NFE2L2: variants seen among roughly 807,000 people sequenced by gnomAD.
NFE2L2 encodes the protein nuclear factor erythroid 2-related factor 2.
NFE2L2 carries 20 observed loss-of-function variants against 49.6 expected under a neutral mutation model. The observed-to-expected ratio is 0.40, with a 90% CI of 0.28 to 0.59. The LOEUF (loss-of-function observed/expected upper bound fraction) is 0.59, where lower values mean the gene tolerates loss of function less well. NFE2L2 is among the 20% of genes least tolerant of loss of function. The pLI, the probability that NFE2L2 is intolerant of heterozygous loss-of-function variation, is 0.40. For missense variants in NFE2L2, 578 were observed against 714.2 expected (o/e 0.81, Z 2.17); for synonymous variants, 244 against 256.5 (o/e 0.95, Z 0.47).
intron 1 of NFE2L2, chr2:177,263,908 G>A: frequency 2.0e-6 from 2 of 985,586 alleles, no homozygotes; most frequent in Non-Finnish European, 2.4e-6. Flanking sequence ...GCTCAAGGCT[G>A]CCAGAGAGTG....
intron 1 of NFE2L2, chr2:177,263,311 A>G (rs937992032): frequency 2.0e-5 from 19 of 945,524 alleles, no homozygotes; most frequent in Non-Finnish European, 2.4e-5. Context: ...AAACATATAT[A>G]AAGTACTCAG....
At chr2:177,243,136 T>C (rs1689997600) in intron 1 of NFE2L2, among the ~76,000 whole-genome samples, 1 of 152,160 alleles carries the variant, frequency 6.6e-6, no homozygotes. Context: ...TTAGGTCTTG[T>C]ACTGCCCTTA....
chr2:177,250,812 G>A (rs566451937), intron 1 of NFE2L2, among the ~76,000 whole-genome samples: 25 of 152,302 alleles, frequency 1.6e-4, no homozygotes, highest in East Asian at 5.8e-4. Flanking sequence ...ACCTAGCTGC[G>A]TGGGTAACTG....
chr2:177,254,312 G>A lies in NFE2L2; in HGVS notation c.45+10220C>T, dbSNP rs11886935. On this transcript the variant is annotated intron_variant, in intron 1 of 4. Transcript: ENST00000397062. Reference sequence around the variant, plus strand: ...CCTTTGTGGCACTTTCATTATATTCGATGACCTCTGTCCCATCACCTGCTT... The same window carrying A: ...CCTTTGTGGCACTTTCATTATATTCAATGACCTCTGTCCCATCACCTGCTT... Among the ~76,000 whole-genome samples the A allele has an allele frequency of 2.1e-3, 320 of 152,202 alleles. 2 individuals are homozygous for A. Among genetic ancestry groups the A allele is most frequent in the Non-Finnish European group, 3.8e-3 (261 of 68,020 alleles).
Position 177,264,662 on chromosome 2 carries a change from TGGCGGCGGCGGC to T in NFE2L2, c.-98_-87del, listed in dbSNP as rs143406266. ...CGCGGCGCGGACAGGGCGGCTCTGGTGGCGGCGGCGGCGGCGGTGGCGGCTGCGTCGGCGGCT... is the reference window on the plus strand; with the variant it reads ...CGCGGCGCGGACAGGGCGGCTCTGGTGGCGGTGGCGGCTGCGTCGGCGGCT... On this transcript the variant is annotated 5_prime_UTR_variant, in exon 1 of 5. Coordinates refer to ENST00000397062, the MANE Select transcript of NFE2L2 (RefSeq NM_006164.5). 2 of 1,176,840 alleles carry T rather than the reference TGGCGGCGGCGGC, an allele frequency of 1.7e-6. No individual in the cohort carries two copies. The highest frequency in any genetic ancestry group is 2.2e-6 in the Non-Finnish European group (2 of 912,724). The allele number at this position is 1,176,840 out of a possible 1,614,324, so 72.9% of individuals were successfully genotyped here.
rs557861673 is a variant in NFE2L2, at chr2:177,232,704, C to T, written c.403-121G>A. The stretch of plus-strand genomic sequence containing the variant: ...GTTCTGTGTCTCTCTACTTACTAAC[C>T]AGTCATGACCCCGTTTGTAAATAAC... On this transcript the variant is annotated intron_variant, in intron 3 of 4. Coordinates refer to ENST00000397062, the MANE Select transcript of NFE2L2 (RefSeq NM_006164.5). The T allele has an allele frequency of 3.0e-5, 26 of 865,266 alleles. No individual in the cohort carries two copies. In the African/African-American group the frequency reaches 3.9e-4, roughly 13 times the overall value. 53.6% of individuals were successfully genotyped at this position (865,266 alleles called of 1,614,324 possible).
At chr2:177,233,963 T>G in intron 2 of NFE2L2, 42 bp downstream of exon 2, 1 of 1,609,610 alleles carries the variant, frequency 6.2e-7, no homozygotes, top group Non-Finnish European at 8.5e-7. Context: ...CAGTGTTTCC[T>G]TAAACCTGCC....
chr2:177,254,172 A>G (rs995543979), intron 1 of NFE2L2, among the ~76,000 whole-genome samples: 6 of 152,236 alleles, frequency 3.9e-5, no homozygotes, highest in Non-Finnish European at 7.3e-5. Flanking sequence ...TTGCAGCTGT[A>G]GGTCCGAGAA....
rs368515693 is a variant in NFE2L2 at position 177,260,835 on chromosome 2, C to A, written c.45+3697G>T. ...GTTTCTGAAAAATGTGAGGCAGAAT[C>A]TTGGACATTGCCAAACATCAGAAAT... On this transcript the variant is annotated intron_variant, in intron 1 of 4. Coordinates refer to ENST00000397062, the MANE Select transcript of NFE2L2 (RefSeq NM_006164.5). Among the ~76,000 whole-genome samples the A allele has an allele frequency of 1.4e-3, 219 of 152,272 alleles. 1 individual carries two copies. Among genetic ancestry groups the A allele is most frequent in the African/African-American group, 5.1e-3 (211 of 41,572 alleles).
intron 1 of NFE2L2, among the ~76,000 whole-genome samples, chr2:177,243,960 A>G (rs1690029018): frequency 6.6e-6 from 1 of 151,900 alleles, no homozygotes; most frequent in Admixed American, 6.6e-5. Flanking sequence ...GATACATTTT[A>G]TTAACAATAT....
At chr2:177,259,099 C>T (rs1413717626) in intron 1 of NFE2L2, among the ~76,000 whole-genome samples, 3 of 152,154 alleles carry the variant, frequency 2.0e-5, no homozygotes, top group Admixed American at 6.5e-5. Context: ...CACCTGAGGT[C>T]GGGATCAGCC....
At chr2:177,238,360 T>C (rs529091630) in intron 1 of NFE2L2, among the ~76,000 whole-genome samples, 1 of 152,358 alleles carries the variant, frequency 6.6e-6, no homozygotes, top group Non-Finnish European at 1.5e-5. Flanking sequence ...GAATTTATAA[T>C]TGTCAGTGTC....
chr2:177,234,306 C>G (rs766496049), intron 1 of NFE2L2, 35 bp from the exon 2 acceptor site: 2 of 1,563,380 alleles, frequency 1.3e-6, no homozygotes, highest in Non-Finnish European at 1.7e-6. Context: ...GGAGAGAGCT[C>G]ATGTTTTTTA....
intron 1 of NFE2L2, among the ~76,000 whole-genome samples, chr2:177,253,738 C>A (rs1282985134): frequency 1.3e-5 from 2 of 152,158 alleles, no homozygotes; most frequent in Admixed American, 6.5e-5. Flanking sequence ...AACAATACTT[C>A]TAAATTATTT....
intron 1 of NFE2L2, among the ~76,000 whole-genome samples, chr2:177,255,105 C>T (rs949635692): frequency 1.3e-5 from 2 of 152,216 alleles, no homozygotes; most frequent in African/African-American, 4.8e-5. Context: ...GCCGCATACT[C>T]CCGGGGACCC....
At chr2:177,264,495 C>T in intron 1 of NFE2L2, 37 bp downstream of exon 1, 22 of 1,517,550 alleles carry the variant, frequency 1.4e-5, no homozygotes, top group Middle Eastern at 1.8e-4. Context: ...GCCCCCGTCC[C>T]GGCACCACCG....
chr2:177,254,215 T>A (rs546131811), intron 1 of NFE2L2, among the ~76,000 whole-genome samples: 3 of 152,332 alleles, frequency 2.0e-5, no homozygotes, highest in African/African-American at 7.2e-5. Flanking sequence ...ATTACCATAT[T>A]AAATGTTGCT....
chr2:177,234,884 G>T (rs6433654), intron 1 of NFE2L2, among the ~76,000 whole-genome samples: 5 of 151,814 alleles, frequency 3.3e-5, no homozygotes, highest in South Asian at 2.1e-4. Flanking sequence ...GGGAGGCCAA[G>T]GTGGGTGGAT....
chr2:177,231,399 C>T lies in NFE2L2; in HGVS notation c.1204G>A (p.Asp402Asn), dbSNP rs749922065. 4.3e-6 allele frequency: 7 copies of T among 1,614,238 alleles called. No homozygotes were observed. The highest frequency in any genetic ancestry group is 5.9e-6 in the Non-Finnish European group (7 of 1,180,038). ...GPKTPVHSSG[D>N]MVQPLSPSQG... ...GATGGTGACAAGGGTTGTACCATATCCCCAGAAGAATGTACTGGTGTTTTA... is the reference window on the plus strand; with the variant it reads ...GATGGTGACAAGGGTTGTACCATATTCCCAGAAGAATGTACTGGTGTTTTA... Residue 402 changes from aspartate (D) to asparagine (N), a missense_variant, in exon 5 of 5, where the codon GAT becomes AAT. Around this residue, in one of 3 missense-constraint regions of NFE2L2, gnomAD observed 368 missense variants for 384.6 expected, o/e 0.96. Transcript: ENST00000397062.
Sources: allele counts gnomAD v4.1 joint callset (sites outside exome capture counted in the v4.1 genomes callset), GRCh38; gene constraint gnomAD v4.1.1; regional missense constraint gnomAD v4.1.1; transcripts MANE v1.5; gene names NCBI Gene and HGNC (gene_info 2026-07-23, HGNC 2026-07-21).